AMZ1: variants seen among roughly 807,000 people sequenced by gnomAD.
AMZ1 encodes archaemetzincin-1.
In AMZ1, 39 loss-of-function variants were observed where a neutral mutation model predicts 29.9. That is an observed-to-expected ratio of 1.30 (90% CI 1.01 to 1.70). The LOEUF (loss-of-function observed/expected upper bound fraction) is 1.70. Among genes scored for constraint, AMZ1 ranks in the 40% most tolerant of loss-of-function variants. AMZ1 has a pLI of 0.00. For missense variants in AMZ1, 1,041 were observed against 680.6 expected, an observed-to-expected ratio of 1.53 and a Z score of -5.89; for synonymous variants, 458 against 304.0, an observed-to-expected ratio of 1.51 and a Z score of -5.27.
At chr7:2,720,167 C>T (rs979948949), downstream of AMZ1, among the ~76,000 whole-genome samples, 1 of 152,212 alleles carries the variant, frequency 6.6e-6, no homozygotes, top group Non-Finnish European at 1.5e-5. Flanking sequence ...AGCGCGGCTC[C>T]CCTCTGAGAC....
intron 1 of AMZ1, among the ~76,000 whole-genome samples, chr7:2,691,130 G>T: frequency 2.5e-5 from 1 of 39,508 alleles, no homozygotes; most frequent in African/African-American, 1.3e-4. Context: ...GGTGACAGAG[G>T]CAAAAAAAAA....
At chr7:2,739,032 T>C (rs994477710) in intron 4 of AMZ1, among the ~76,000 whole-genome samples, 4 of 152,186 alleles carry the variant, frequency 2.6e-5, no homozygotes, top group African/African-American at 9.7e-5. Flanking sequence ...TCCTTGGCCG[T>C]GGAGCAGCCT....
chr7:2,681,750 G>A (rs1480244120), intron 1 of AMZ1, among the ~76,000 whole-genome samples: 1 of 152,180 alleles, frequency 6.6e-6, no homozygotes, highest in African/African-American at 2.4e-5. Context: ...TTACTCCTGG[G>A]GCCCCTGACT....
intron 4 of AMZ1, among the ~76,000 whole-genome samples, chr7:2,725,731 G>A (rs1789590489): frequency 6.6e-6 from 1 of 152,254 alleles, no homozygotes; most frequent in Non-Finnish European, 1.5e-5. Context: ...CCGCCGTTGA[G>A]GCCTGCTCAA....
intron 4 of AMZ1, among the ~76,000 whole-genome samples, chr7:2,748,196 C>T (rs200497737): frequency 1.3e-5 from 2 of 150,590 alleles, no homozygotes; most frequent in African/African-American, 2.4e-5. Context: ...GAGCCTGCAT[C>T]GCCAAGTCAA....
Position 2,746,766 on chromosome 7 carries a change from C to T in AMZ1, n.551-17946C>T, listed in dbSNP as rs200002661. Among the ~76,000 whole-genome samples, 70 of 151,702 alleles carry T rather than the reference C, an allele frequency of 4.6e-4. 1 individual carries two copies. The East Asian group carries it at 0.011, about 24-fold the overall frequency. On this transcript the variant is annotated intron_variant and non_coding_transcript_variant, in intron 4 of 4. Transcript: ENST00000489665. ...GAAAAGATCAACAAAACTGATAGAC[C>T]GCTAGCAAGACTAATAAAGAAGAAA... is the stretch of plus-strand genomic sequence containing the variant.
At chr7:2,683,728 G>A (rs553045947), upstream of AMZ1, among the ~76,000 whole-genome samples, 10 of 152,072 alleles carry the variant, frequency 6.6e-5, no homozygotes, top group East Asian at 7.8e-4. Flanking sequence ...GCGAGCCACC[G>A]CGCCCAGCTC....
chr7:2,762,808 G>A (rs138085770), upstream of AMZ1: 107 of 1,529,922 alleles, frequency 7.0e-5, no homozygotes, highest in Middle Eastern at 3.4e-4. Context: ...CACTCAGGGC[G>A]GCCTCCCATC....
intron 1 of AMZ1, among the ~76,000 whole-genome samples, chr7:2,680,891 C>T (rs918577973): frequency 2.0e-5 from 3 of 152,366 alleles, no homozygotes; most frequent in Non-Finnish European, 2.9e-5. Flanking sequence ...TTCCATGGTC[C>T]GTGGTGTGGC....
At chr7:2,726,080 C>T (rs770396888) in intron 4 of AMZ1, among the ~76,000 whole-genome samples, 20 of 152,218 alleles carry the variant, frequency 1.3e-4, no homozygotes, top group Admixed American at 3.3e-4. Flanking sequence ...AGCAAAGCCT[C>T]CTGAATTTCA....
intron 4 of AMZ1, among the ~76,000 whole-genome samples, chr7:2,735,593 A>C (rs1790130039): frequency 6.6e-6 from 1 of 152,166 alleles, no homozygotes; most frequent in South Asian, 2.1e-4. Context: ...TCGAGTCTGC[A>C]ATCAGTCCCC....
At position 2,702,814 on chromosome 7, in the gene AMZ1, C is replaced by T. The variant is rs375783125; in HGVS notation, c.397C>T (p.Pro133Ser). The change falls in exon 3 of 7, where the codon CCG (proline) becomes TCG (serine). Residue 133 changes from proline to serine, a missense_variant. Transcript: ENST00000683327. ...CCTGGGCCTGCGCGTCAAGTGCCTG[C>T]CGTCGGTGGCAGCCGCGTCCATCCG... ...FFLGLRVKCL[P>S]SVAAASIRCS... The T allele has an allele frequency of 2.6e-6, 4 of 1,554,178 alleles. No homozygotes were observed. The African/African-American group carries it at 4.1e-5, about 16-fold the overall frequency.
chr7:2,712,641 G>A lies in AMZ1; in HGVS notation c.1260G>A (p.Arg420=). ...WLAMCIQALQ[R]EVAEEDLVQV... is the part of the protein sequence containing the mutation. Reference sequence around the variant, plus strand: ...CCATGTGCATCCAGGCCCTGCAGCGGGAAGTGGCAGAGGAGGACCTGGTGC... The same window carrying A: ...CCATGTGCATCCAGGCCCTGCAGCGAGAAGTGGCAGAGGAGGACCTGGTGC... Residue 420 remains arginine (R), a synonymous_variant, in exon 7 of 7, where the codon CGG becomes CGA. Coordinates refer to ENST00000683327, the MANE Select transcript of AMZ1 (RefSeq NM_001384743.1). 2 of 1,613,134 alleles carry A rather than the reference G, an allele frequency of 1.2e-6. No homozygotes were observed. The highest frequency in any genetic ancestry group is 1.7e-6 in the Non-Finnish European group (2 of 1,179,906).
rs373661142 is a variant in AMZ1, at chr7:2,712,681, G to T, written c.1300G>T (p.Val434Leu). 2.5e-6 allele frequency: 4 copies of T among 1,612,708 alleles called. No individual in the cohort carries two copies. Among genetic ancestry groups the T allele is most frequent in the Non-Finnish European group, 3.4e-6 (4 of 1,179,832 alleles). Residue 434 changes from valine (V) to leucine (L), a missense_variant, in exon 7 of 7, where the codon GTG (valine) becomes TTG (leucine). Physicochemically the swap from Val to Leu is conservative, Grantham distance 32. Coordinates refer to ENST00000683327, the MANE Select transcript of AMZ1 (RefSeq NM_001384743.1). The part of the protein sequence containing the change: ...EEDLVQVDRA[V>L]DALDRWEMFT... The stretch of plus-strand genomic sequence containing the variant: ...GGACCTGGTGCAGGTGGACAGAGCC[G>T]TGGACGCCCTCGACCGCTGGGAGAT...
downstream of AMZ1, among the ~76,000 whole-genome samples, chr7:2,719,880 A>G (rs1431373952): frequency 6.6e-6 from 1 of 152,098 alleles, no homozygotes; most frequent in Non-Finnish European, 1.5e-5. Flanking sequence ...ATGGGGTTTC[A>G]TCACCTTGGC....
At chr7:2,762,949 C>T, upstream of AMZ1, 1 of 1,374,322 alleles carries the variant, frequency 7.3e-7, no homozygotes. Context: ...CCCGTGGGGC[C>T]CGTGCCAGGG....
At chr7:2,749,162 T>C (rs1790906211) in intron 4 of AMZ1, among the ~76,000 whole-genome samples, 6 of 149,768 alleles carry the variant, frequency 4.0e-5, no homozygotes, top group South Asian at 2.2e-4. Context: ...CATTACTGGG[T>C]ATATACCCAA....
At chr7:2,702,501 T>A in intron 2 of AMZ1, 1 of 569,790 alleles carries the variant, frequency 1.8e-6, no homozygotes, top group South Asian at 2.4e-5. Context: ...TGCTGTCCTT[T>A]CATCTGTGCA....
intron 6 of AMZ1, among the ~76,000 whole-genome samples, chr7:2,710,069 C>T (rs910165363): frequency 2.6e-5 from 4 of 152,218 alleles, no homozygotes; most frequent in Admixed American, 2.0e-4. Flanking sequence ...CGAGTGGGGA[C>T]GAGGGCTTTT....
Sources: gnomAD v4.1 joint callset for allele counts (sites outside exome capture counted in the v4.1 genomes callset) on GRCh38, gnomAD v4.1.1 for gene constraint, MANE v1.5 for transcripts, NCBI Gene and HGNC (gene_info 2026-07-23, HGNC 2026-07-21) for gene names.